The following CSTF1 variants were observed in gnomAD, a reference collection of about 807,000 sequenced individuals.
CSTF1 encodes the protein CF-1 50 kDa subunit.
A neutral mutation model predicts 40.9 loss-of-function variants in CSTF1; 2 were observed. The ratio of observed to expected loss-of-function variants is 0.05; its 90% CI spans 0.02 to 0.15. The LOEUF (loss-of-function observed/expected upper bound fraction) is 0.15. Ranked by LOEUF, CSTF1 falls within the 10% of genes least tolerant of loss-of-function variation. The pLI, the probability that CSTF1 is intolerant of heterozygous loss-of-function variation, is 1.00. For missense variants in CSTF1, 279 were observed against 558.9 expected (o/e 0.50, Z 5.05); for synonymous variants, 218 against 207.2 (o/e 1.05, Z -0.45).
chr20:56,394,846 GT>G (rs11478528), intron 1 of CSTF1, among the ~76,000 whole-genome samples: 142,479 of 150,362 alleles, frequency 0.95, 67,730 homozygotes, highest in Non-Finnish European at 0.99. Context: ...GATTATTACT[GT>G]TTTTTTTTTC....
intron 5 of CSTF1, among the ~76,000 whole-genome samples, chr20:56,403,048 T>C (rs1978534947): frequency 6.6e-6 from 1 of 151,910 alleles, no homozygotes; most frequent in South Asian, 2.1e-4. Flanking sequence ...CAGCATAAAG[T>C]TGGTTAAAAC....
chr20:56,398,884 C>T (rs1978337984), intron 4 of CSTF1, 83 bp from the exon 5 acceptor site: 1 of 1,277,832 alleles, frequency 7.8e-7, no homozygotes, highest in South Asian at 1.5e-5. Flanking sequence ...AGATTCTTTT[C>T]ATCAGCCAGA....
chr20:56,402,363 G>T (rs79007687), intron 5 of CSTF1, among the ~76,000 whole-genome samples: 8,804 of 151,378 alleles, frequency 0.058, 388 homozygotes, highest in African/African-American at 0.11. Flanking sequence ...TAGATATTTC[G>T]AAAGAGTATT....
intron 5 of CSTF1, among the ~76,000 whole-genome samples, chr20:56,402,322 AG>A (rs368908545): frequency 7.3e-6 from 1 of 136,818 alleles, no homozygotes; most frequent in African/African-American, 2.7e-5. Flanking sequence ...AAAAAAAAAA[AG>A]AGAGAATTTA....
intron 4 of CSTF1, 131 bp from the exon 5 acceptor site, chr20:56,398,836 T>C: frequency 1.2e-6 from 1 of 824,262 alleles, no homozygotes; most frequent in East Asian, 2.7e-5. Context: ...GCACTTTTTT[T>C]CTTATGATAC....
rs1987548351 is a variant in CSTF1, at chr20:56,397,382, C to G, written c.345C>G (p.Thr115=). ...TSHKGPCRVA[T]YSRDGQLIAT... Reference sequence around the variant, plus strand: ...ATAAAGGACCATGCCGTGTAGCTACCTATAGTAGAGATGGACAGTTAATAG... The same window carrying G: ...ATAAAGGACCATGCCGTGTAGCTACGTATAGTAGAGATGGACAGTTAATAG... The change falls in exon 3 of 6, where the codon ACC becomes ACG. Residue 115 remains threonine (T), a synonymous_variant. Coordinates refer to ENST00000217109, the MANE Select transcript of CSTF1 (RefSeq NM_001324.3). This position sits in a 1 kb window ranked among gnomAD's most constrained non-coding sequence, Gnocchi z 4.4. 1 of 1,614,108 alleles carries G rather than the reference C, an allele frequency of 6.2e-7. No individual in the cohort carries two copies. Among genetic ancestry groups the G allele is most frequent in the Non-Finnish European group, 8.5e-7 (1 of 1,180,022 alleles).
intron 5 of CSTF1, among the ~76,000 whole-genome samples, chr20:56,401,603 G>T (rs994289532): frequency 2.0e-5 from 3 of 152,148 alleles, no homozygotes; most frequent in African/African-American, 7.2e-5. Flanking sequence ...CCCATAAAAG[G>T]ATGTGTGTCC....
In CSTF1 at chr20:56,399,412, A is replaced by T; in HGVS notation, c.1036+55A>T. ...TTCTGTAGTGTTTACACTTTCCAGA[A>T]CTCTCTTTTAAGACCTCACAATAGA... On this transcript the variant is annotated intron_variant, in intron 5 of 5. Coordinates refer to ENST00000217109, the MANE Select transcript of CSTF1 (RefSeq NM_001324.3). The surrounding 1 kb of genome is among the most constrained non-coding windows in gnomAD (Gnocchi z 4.6). 1.3e-6 allele frequency: 2 copies of T among 1,492,878 alleles called. No individual in the cohort carries two copies. Among genetic ancestry groups the T allele is most frequent in the Non-Finnish European group, 1.8e-6 (2 of 1,102,304 alleles). The allele number at this position is 1,492,878 out of a possible 1,614,324, so 92.5% of individuals were successfully genotyped here. A position where few individuals can be genotyped will look rare whatever the true frequency, so the allele number is the denominator to read the frequency against.
At position 56,403,744 on chromosome 20, in the gene CSTF1, G is replaced by A; in HGVS notation, c.*17G>A. On this transcript the variant is annotated 3_prime_UTR_variant, in exon 6 of 6. Transcript: ENST00000217109. ...ACTGACTGAGCCACCCTCTCCGTAG[G>A]GTTCTTTCTCGAGGACTCTACCCTC... is the stretch of plus-strand genomic sequence containing the variant. 6.2e-7 allele frequency: 1 copy of A among 1,600,726 alleles called. No individual in the cohort carries two copies. Among genetic ancestry groups the A allele is most frequent in the Non-Finnish European group, 8.5e-7 (1 of 1,169,718 alleles).
intron 1 of CSTF1, among the ~76,000 whole-genome samples, chr20:56,394,360 C>T (rs1987453269): frequency 6.6e-6 from 1 of 152,126 alleles, no homozygotes; most frequent in Admixed American, 6.5e-5. Context: ...CGGAGGCAGG[C>T]AGATCACCTG....
At chr20:56,393,117 AAT>A (rs150366258) in intron 1 of CSTF1, among the ~76,000 whole-genome samples, 22 of 148,310 alleles carry the variant, frequency 1.5e-4, no homozygotes, top group Admixed American at 1.4e-3. Context: ...GGCCACTTAA[AAT>A]ATATATATAT....
chr20:56,399,448 A>T lies in CSTF1; in HGVS notation c.1036+91A>T. The T allele has an allele frequency of 2.6e-6, 3 of 1,147,956 alleles. No individual in the cohort carries two copies. The South Asian group carries it at 4.5e-5, about 17-fold the overall frequency. 71.1% of individuals were successfully genotyped at this position (1,147,956 alleles called of 1,614,324 possible). On this transcript the variant is annotated intron_variant, in intron 5 of 5. Transcript: ENST00000217109. This position sits in a 1 kb window ranked among gnomAD's most constrained non-coding sequence, Gnocchi z 4.6. ...AGACCTCACAATAGAGCAACACAAT[A>T]TCTATGCATTGAGCAAGGCAGATGT...
At chr20:56,402,908 C>T (rs1354607506) in intron 5 of CSTF1, among the ~76,000 whole-genome samples, 3 of 150,418 alleles carry the variant, frequency 2.0e-5, no homozygotes, top group South Asian at 2.1e-4. Context: ...GCACTCCAGC[C>T]TGGCGACAGA....
At chr20:56,396,934 T>C (rs1384393687) in intron 2 of CSTF1, 4 of 367,484 alleles carry the variant, frequency 1.1e-5, no homozygotes, top group Non-Finnish European at 1.5e-5. Flanking sequence ...TAGTTGTAGA[T>C]AAAGTAGTAA....
Position 56,399,235 on chromosome 20 carries a change from A to C in CSTF1, c.914A>C (p.Asp305Ala), listed in dbSNP as rs1978350936. Residue 305 changes from aspartate to alanine, a missense_variant, in exon 5 of 6, where the codon GAC (aspartate) becomes GCC (alanine). Physicochemically the swap from Asp to Ala is moderately radical, Grantham distance 126. Around this residue, in one of 4 missense-constraint regions of CSTF1, gnomAD observed 162 missense variants for 337.1 expected, o/e 0.48. Coordinates refer to ENST00000217109, the MANE Select transcript of CSTF1 (RefSeq NM_001324.3). This position sits in a 1 kb window ranked among gnomAD's most constrained non-coding sequence, Gnocchi z 4.6. ...ATCACAACTTTTGAGAAAGCACATG[A>C]CGGTGCTGAAGTTTGTTCTGCCATT... is the stretch of plus-strand genomic sequence containing the variant. ...RCITTFEKAH[D>A]GAEVCSAIFS... 1 of 1,614,106 alleles carries C rather than the reference A, an allele frequency of 6.2e-7. No individual in the cohort carries two copies. Among genetic ancestry groups the C allele is most frequent in the Admixed American group, 1.7e-5 (1 of 60,004 alleles).
At position 56,404,281 on chromosome 20, in the gene CSTF1, C is replaced by G. The variant is rs139284561; in HGVS notation, c.*554C>G. The G allele has an allele frequency of 2.0e-5, 3 of 152,444 alleles. No homozygotes were observed. The highest frequency in any genetic ancestry group is 7.2e-5 in the African/African-American group (3 of 41,546). The allele number at this position is 152,444 out of a possible 1,614,324, so 9.4% of individuals were successfully genotyped here. A position where few individuals can be genotyped will look rare whatever the true frequency, so the allele number is the denominator to read the frequency against. On this transcript the variant is annotated 3_prime_UTR_variant, in exon 6 of 6. Coordinates refer to ENST00000217109, the MANE Select transcript of CSTF1 (RefSeq NM_001324.3). Reference sequence around the variant, plus strand: ...CTTTATTGTTATATATTTTTCACTTCTGTAAAATTAATGGCCAGTTTTTCC... The same window carrying G: ...CTTTATTGTTATATATTTTTCACTTGTGTAAAATTAATGGCCAGTTTTTCC...
chr20:56,403,277 A>G (rs555076524), intron 5 of CSTF1, among the ~76,000 whole-genome samples, 191 bp from the exon 6 acceptor site: 1 of 151,890 alleles, frequency 6.6e-6, no homozygotes, highest in Non-Finnish European at 1.5e-5. Context: ...CAGCCTCCCA[A>G]AGTACTGGGA....
At chr20:56,394,403 A>G (rs1193055295) in intron 1 of CSTF1, among the ~76,000 whole-genome samples, 1 of 152,224 alleles carries the variant, frequency 6.6e-6, no homozygotes, top group African/African-American at 2.4e-5. Context: ...CCTGGCCAAT[A>G]TGGTGAAACC....
intron 2 of CSTF1, among the ~76,000 whole-genome samples, chr20:56,396,581 C>A (rs1489857484): frequency 6.6e-6 from 1 of 151,928 alleles, no homozygotes; most frequent in Admixed American, 6.6e-5. Context: ...GGGAAGGATC[C>A]CTAAGAATTT....
Sources: gnomAD v4.1 joint callset for allele counts (sites outside exome capture counted in the v4.1 genomes callset) on GRCh38, gnomAD v4.1.1 for gene constraint, gnomAD v4.1.1 regional missense constraint, Gnocchi (gnomAD v3.1) non-coding constraint, MANE v1.5 for transcripts, NCBI Gene and HGNC (gene_info 2026-07-23, HGNC 2026-07-21) for gene names.